WIPF3: variants seen among roughly 807,000 people sequenced by gnomAD.
WIPF3 encodes the protein WAS/WASL interacting protein family member 3, also known as WAS/WASL-interacting protein family member 3.
Under a neutral mutation model 38.9 loss-of-function variants are expected in WIPF3, and 33 were observed. The ratio of observed to expected loss-of-function variants is 0.85; its 90% CI spans 0.64 to 1.14. The LOEUF (loss-of-function observed/expected upper bound fraction) is 1.14. WIPF3 is among the 50% of genes most tolerant of loss of function. The pLI, the probability that WIPF3 is intolerant of heterozygous loss-of-function variation, is 0.00. For missense variants in WIPF3, 711 were observed against 652.5 expected (o/e 1.09, Z -0.98); for synonymous variants, 324 against 269.3 (o/e 1.20, Z -1.99).
intron 2 of WIPF3, among the ~76,000 whole-genome samples, chr7:29,852,363 AG>A (rs1785115567): frequency 2.6e-5 from 4 of 152,272 alleles, no homozygotes; most frequent in Admixed American, 6.5e-5. Flanking sequence ...GCTGGCCAAA[AG>A]TAGAAGGTGC....
intron 2 of WIPF3, among the ~76,000 whole-genome samples, chr7:29,858,528 C>T (rs929377023): frequency 6.6e-6 from 1 of 152,214 alleles, no homozygotes; most frequent in African/African-American, 2.4e-5. Context: ...AATACACCCC[C>T]CTTATTCTGT....
At chr7:29,900,049 T>C (rs771747852) in intron 7 of WIPF3, among the ~76,000 whole-genome samples, 12 of 152,160 alleles carry the variant, frequency 7.9e-5, no homozygotes, top group Non-Finnish European at 1.6e-4. Context: ...GTGATTCTCC[T>C]GCCTCAGCCT....
At chr7:29,872,759 A>G (rs7792739) in intron 2 of WIPF3, among the ~76,000 whole-genome samples, 3,245 of 136,876 alleles carry the variant, frequency 0.024, 46 homozygotes, top group Middle Eastern at 0.064. Context: ...TCGCGCCGCC[A>G]CTGCACTCCA....
chr7:29,872,686 C>G (rs1356514383), intron 2 of WIPF3, among the ~76,000 whole-genome samples: 1 of 149,106 alleles, frequency 6.7e-6, no homozygotes, highest in East Asian at 2.0e-4. Context: ...GTCCCAGCAA[C>G]TCGGGAGGCT....
intron 1 of WIPF3, among the ~76,000 whole-genome samples, chr7:29,807,728 T>C (rs1336540383): frequency 2.0e-5 from 3 of 152,200 alleles, no homozygotes; most frequent in Non-Finnish European, 4.4e-5. Flanking sequence ...CTGGCTGTAT[T>C]GGGGAGGAAA....
chr7:29,886,926 G>T (rs1247734683), intron 5 of WIPF3, among the ~76,000 whole-genome samples: 2 of 152,224 alleles, frequency 1.3e-5, no homozygotes, highest in Non-Finnish European at 2.9e-5. Flanking sequence ...CAGAAGAGGG[G>T]CTGCAGTCCT....
In WIPF3 at chr7:29,878,460, G is replaced by C. The variant is rs1358625644; in HGVS notation, c.224-549G>C. Among the ~76,000 whole-genome samples the C allele has an allele frequency of 1.3e-5, 2 of 152,290 alleles. No homozygotes were observed. Among genetic ancestry groups the C allele is most frequent in the African/African-American group, 4.8e-5 (2 of 41,556 alleles). On this transcript the variant is annotated intron_variant, in intron 3 of 8. Transcript: ENST00000242140. The surrounding 1 kb of genome is among the most constrained non-coding windows in gnomAD (Gnocchi z 4.0). ...CCGTTCCATAGATGAAAAGGTGCAG[G>C]GAGGTGCGAGGGGCTGGGGGCTTGA... is the stretch of plus-strand genomic sequence containing the variant.
chr7:29,883,511 G>T (rs1206736776), intron 4 of WIPF3, among the ~76,000 whole-genome samples: 1 of 152,216 alleles, frequency 6.6e-6, no homozygotes, highest in East Asian at 1.9e-4. Flanking sequence ...GTTCGTGAGT[G>T]TGGCCTTGAT....
chr7:29,858,365 A>G (rs1383241547), intron 2 of WIPF3, among the ~76,000 whole-genome samples: 2 of 152,214 alleles, frequency 1.3e-5, no homozygotes, highest in Non-Finnish European at 2.9e-5. Flanking sequence ...GCAGAGACCC[A>G]TCAGCACAAA....
intron 8 of WIPF3, among the ~76,000 whole-genome samples, chr7:29,908,340 T>C (rs28764877): frequency 0.032 from 4,852 of 152,208 alleles, 97 homozygotes; most frequent in Middle Eastern, 0.1. Flanking sequence ...TAACAGACCA[T>C]CAAAATGCAT....
intron 8 of WIPF3, 30 bp downstream of exon 8, chr7:29,904,392 A>G: frequency 6.2e-7 from 1 of 1,607,162 alleles, no homozygotes; most frequent in Non-Finnish European, 8.5e-7. Context: ...TCTGAATGTA[A>G]AACCAGGAAT....
intron 7 of WIPF3, among the ~76,000 whole-genome samples, chr7:29,890,010 T>C (rs530005616): frequency 8.7e-4 from 133 of 152,276 alleles, no homozygotes; most frequent in Non-Finnish European, 1.4e-3. Flanking sequence ...CCTGATTTCA[T>C]TGTGTGGTCA....
At position 29,897,837 on chromosome 7, in the gene WIPF3, C is replaced by T. The variant is rs142695579; in HGVS notation, c.1352-6449C>T. ...GTGAAGCCTGGTTTTTACTGCTGACCATACCTCTTCAAAAGCTGTCTTCCA... is the reference window on the plus strand; with the variant it reads ...GTGAAGCCTGGTTTTTACTGCTGACTATACCTCTTCAAAAGCTGTCTTCCA... On this transcript the variant is annotated intron_variant, in intron 7 of 8. Transcript: ENST00000242140. 1.7e-3 allele frequency among the ~76,000 whole-genome samples: 262 copies of T among 152,312 alleles called. 1 individual carries two copies. The highest frequency in any genetic ancestry group is 5.8e-3 in the African/African-American group (241 of 41,554).
chr7:29,830,917 G>A lies in WIPF3; in HGVS notation c.-57-3751G>A, dbSNP rs144589343. Among the ~76,000 whole-genome samples, 117 of 152,282 alleles carry A rather than the reference G, an allele frequency of 7.7e-4. 2 individuals carry two copies. The South Asian group carries it at 9.1e-3, about 12-fold the overall frequency. ...ATTCTACATTTGCAAATTCACCTACGTGTACTCACGAAAGTGTATTTGTAA... is the reference window on the plus strand; with the variant it reads ...ATTCTACATTTGCAAATTCACCTACATGTACTCACGAAAGTGTATTTGTAA... On this transcript the variant is annotated intron_variant, in intron 1 of 8. Coordinates refer to ENST00000242140, the MANE Select transcript of WIPF3 (RefSeq NM_001080529.3).
At chr7:29,876,459 C>G (rs960680281) in intron 3 of WIPF3, among the ~76,000 whole-genome samples, 2 of 152,202 alleles carry the variant, frequency 1.3e-5, no homozygotes, top group African/African-American at 4.8e-5. Context: ...TCTGTTATTT[C>G]AAAGAAATGG....
chr7:29,908,277 C>A (rs1786438285), intron 8 of WIPF3, among the ~76,000 whole-genome samples: 2 of 152,166 alleles, frequency 1.3e-5, no homozygotes, highest in Non-Finnish European at 2.9e-5. Flanking sequence ...TATGTTAATA[C>A]AAGTTTCAAT....
intron 2 of WIPF3, among the ~76,000 whole-genome samples, chr7:29,855,626 G>C (rs1198278301): frequency 6.6e-6 from 1 of 151,748 alleles, no homozygotes; most frequent in East Asian, 1.9e-4. Context: ...TGGAGTGATG[G>C]GGCTCAGTTA....
At chr7:29,867,516 G>T (rs1340529001) in intron 2 of WIPF3, among the ~76,000 whole-genome samples, 4 of 150,240 alleles carry the variant, frequency 2.7e-5, no homozygotes, top group African/African-American at 9.8e-5. Flanking sequence ...AGTTATTCCT[G>T]GTGCCATGCC....
intron 1 of WIPF3, among the ~76,000 whole-genome samples, chr7:29,818,217 C>T (rs900745017): frequency 1.3e-5 from 2 of 151,922 alleles, no homozygotes; most frequent in African/African-American, 2.4e-5. Flanking sequence ...TTTGGGAGGC[C>T]GAGGTGGGGT....
Sources: allele counts gnomAD v4.1 joint callset (sites outside exome capture counted in the v4.1 genomes callset), GRCh38; gene constraint gnomAD v4.1.1; non-coding constraint Gnocchi (gnomAD v3.1); transcripts MANE v1.5; gene names NCBI Gene and HGNC (gene_info 2026-07-23, HGNC 2026-07-21).